Variants in ODAD2 observed in about 807,000 individuals in gnomAD.
The protein encoded by ODAD2 is outer dynein arm docking complex subunit 2, also known as outer dynein arm-docking complex subunit 2.
ODAD2 carries 89 observed loss-of-function variants against 106.8 expected under a neutral mutation model. That is an observed-to-expected ratio of 0.83 (90% CI 0.70 to 0.99). The LOEUF is 0.99. Ranked by LOEUF, ODAD2 falls within the 50% of genes least tolerant of loss-of-function variation. The probability of loss-of-function intolerance (pLI) is 0.00; values close to 1 mark genes in which losing one functional copy is unlikely to be tolerated. For synonymous variants in ODAD2, 404 were observed against 436.2 expected, an observed-to-expected ratio of 0.93 and a Z score of 0.92; for missense variants, 1,168 against 1,238.5, an observed-to-expected ratio of 0.94 and a Z score of 0.85.
intron 17 of ODAD2, among the ~76,000 whole-genome samples, chr10:27,870,782 A>C (rs369318955): frequency 6.6e-6 from 1 of 152,044 alleles, no homozygotes; most frequent in African/African-American, 2.4e-5. Context: ...GGTTCCAAGT[A>C]TTTGCTATTG....
intron 19 of ODAD2, among the ~76,000 whole-genome samples, chr10:27,812,859 T>C (rs1046493638): frequency 3.9e-5 from 6 of 152,188 alleles, no homozygotes; most frequent in Non-Finnish European, 8.8e-5. Flanking sequence ...CTCCCCACTT[T>C]CTCTGGGTAT....
At chr10:27,903,621 G>A (rs187408448) in intron 17 of ODAD2, among the ~76,000 whole-genome samples, 1 of 152,266 alleles carries the variant, frequency 6.6e-6, no homozygotes, top group Non-Finnish European at 1.5e-5. Context: ...CAAAATCAAT[G>A]TGCAAAAGTC....
intron 19 of ODAD2, among the ~76,000 whole-genome samples, chr10:27,827,348 C>T: frequency 7.0e-6 from 1 of 142,656 alleles, no homozygotes; most frequent in Non-Finnish European, 1.5e-5. Flanking sequence ...GACATATATA[C>T]ATAGCAGACA....
chr10:27,882,587 A>T lies in ODAD2; in HGVS notation c.2611-19965T>A, dbSNP rs548170876. ...TAATAAAAGGCTTGCAACAAACAGC[A>T]TCTATTCAAGAAAAATGCCTGAATC... On this transcript the variant is annotated intron_variant, in intron 17 of 19. Transcript: ENST00000305242. 1.5e-4 allele frequency among the ~76,000 whole-genome samples: 23 copies of T among 152,328 alleles called. No homozygotes were observed. In the East Asian group the frequency reaches 3.7e-3, roughly 24 times the overall value.
At chr10:27,849,919 C>G (rs1285034517) in intron 19 of ODAD2, among the ~76,000 whole-genome samples, 1 of 152,180 alleles carries the variant, frequency 6.6e-6, no homozygotes, top group Non-Finnish European at 1.5e-5. Context: ...AGTAGCTGCT[C>G]TAATTGCAGT....
At chr10:27,951,339 CT>C (rs1847313841) in intron 10 of ODAD2, among the ~76,000 whole-genome samples, 1 of 152,128 alleles carries the variant, frequency 6.6e-6, no homozygotes, top group African/African-American at 2.4e-5. Flanking sequence ...CCTATCTGGT[CT>C]ACCAAATATC....
chr10:27,839,103 C>A (rs907971151), intron 19 of ODAD2, among the ~76,000 whole-genome samples: 1 of 152,118 alleles, frequency 6.6e-6, no homozygotes, highest in Admixed American at 6.5e-5. Flanking sequence ...AAAACTGTAA[C>A]GTAGTCCAAC....
At chr10:27,873,062 C>G (rs967779961) in intron 17 of ODAD2, among the ~76,000 whole-genome samples, 31 of 40,748 alleles carry the variant, frequency 7.6e-4, no homozygotes, top group African/African-American at 1.3e-3. Context: ...AGGGATTCAA[C>G]TTCTTCCTGG....
chr10:27,909,557 C>T (rs1366193327), intron 16 of ODAD2, among the ~76,000 whole-genome samples: 2 of 152,058 alleles, frequency 1.3e-5, no homozygotes, highest in Non-Finnish European at 2.9e-5. Flanking sequence ...GTGACTCACA[C>T]CTGTAATCCC....
chr10:27,986,385 T>C (rs1849875781), intron 3 of ODAD2, among the ~76,000 whole-genome samples: 2 of 152,262 alleles, frequency 1.3e-5, no homozygotes, highest in Admixed American at 1.3e-4. Flanking sequence ...ATTTAGCAAA[T>C]GGATAAGTAT....
At chr10:27,939,651 T>A (rs1303965180) in intron 14 of ODAD2, among the ~76,000 whole-genome samples, 1 of 151,902 alleles carries the variant, frequency 6.6e-6, no homozygotes, top group African/African-American at 2.4e-5. Flanking sequence ...GATGGGAGGA[T>A]CACTTCAGCC....
chr10:27,947,665 A>G (rs1018975721), intron 10 of ODAD2, among the ~76,000 whole-genome samples: 38 of 152,300 alleles, frequency 2.5e-4, no homozygotes, highest in Admixed American at 1.7e-3. Flanking sequence ...AGGTTCCTAT[A>G]TTAAGGGTTT....
intron 10 of ODAD2, among the ~76,000 whole-genome samples, chr10:27,949,137 A>G (rs1436526836): frequency 6.6e-6 from 1 of 152,036 alleles, no homozygotes; most frequent in Non-Finnish European, 1.5e-5. Context: ...CAAGAGTAAA[A>G]CAGGAAGTGA....
intron 12 of ODAD2, among the ~76,000 whole-genome samples, chr10:27,943,545 C>T (rs12779352): frequency 1.3e-5 from 2 of 151,602 alleles, no homozygotes; most frequent in East Asian, 3.9e-4. Flanking sequence ...CCAGCACTTT[C>T]GGAGGCCAAG....
intron 17 of ODAD2, among the ~76,000 whole-genome samples, chr10:27,869,530 TTTTC>T (rs1236987370): frequency 1.7e-5 from 2 of 118,564 alleles, no homozygotes; most frequent in Non-Finnish European, 3.7e-5. Context: ...TTTTTTTCTT[TTTTC>T]TTTTTCTTTT....
chr10:27,944,029 G>T (rs1846667600), intron 12 of ODAD2, among the ~76,000 whole-genome samples, 193 bp downstream of exon 12: 1 of 152,024 alleles, frequency 6.6e-6, no homozygotes, highest in Non-Finnish European at 1.5e-5. Flanking sequence ...TGAGTTTGAA[G>T]ATGTTTTTGT....
At chr10:27,836,250 C>A (rs955612259) in intron 19 of ODAD2, 1 of 152,060 alleles carries the variant, frequency 6.6e-6, no homozygotes, top group African/African-American at 2.4e-5. Flanking sequence ...TCCTATAACT[C>A]TTTGAGGAAA....
At chr10:27,825,788 C>T (rs772042716) in intron 19 of ODAD2, among the ~76,000 whole-genome samples, 7 of 152,114 alleles carry the variant, frequency 4.6e-5, no homozygotes, top group African/African-American at 9.7e-5. Flanking sequence ...TAGACTTTGC[C>T]TAGGGCATGG....
intron 17 of ODAD2, among the ~76,000 whole-genome samples, chr10:27,901,668 T>G (rs1472359719): frequency 6.6e-6 from 1 of 152,056 alleles, no homozygotes; most frequent in Non-Finnish European, 1.5e-5. Context: ...AATCCTAGTC[T>G]CTGATAAAAC....
Sources: gnomAD v4.1 joint callset for allele counts (sites outside exome capture counted in the v4.1 genomes callset) on GRCh38, gnomAD v4.1.1 for gene constraint, MANE v1.5 for transcripts, NCBI Gene and HGNC (gene_info 2026-07-23, HGNC 2026-07-21) for gene names.